NFIB: variants seen among roughly 807,000 people sequenced by gnomAD.
NFIB encodes the protein nuclear factor I B, also known as nuclear factor 1 B-type.
In NFIB, 11 loss-of-function variants were observed where a neutral mutation model predicts 61.5. That is an observed-to-expected ratio of 0.18 (90% CI 0.11 to 0.30). The LOEUF is 0.30. Ranked by LOEUF, NFIB falls within the 10% of genes least tolerant of loss-of-function variation. NFIB has a pLI of 1.00. For synonymous variants in NFIB, 260 were observed against 216.5 expected (o/e 1.20, Z -1.76); for missense variants, 471 against 608.9 (o/e 0.77, Z 2.38).
At chr9:14,319,287 T>C (rs191720900) in intron 1 of NFIB, among the ~76,000 whole-genome samples, 2 of 152,188 alleles carry the variant, frequency 1.3e-5, no homozygotes, top group East Asian at 3.9e-4. Context: ...TGAGCCAGAT[T>C]CCTCCACTAA....
chr9:14,107,557 T>A (rs1277122999), intron 10 of NFIB, among the ~76,000 whole-genome samples: 1 of 152,148 alleles, frequency 6.6e-6, no homozygotes, highest in African/African-American at 2.4e-5. Flanking sequence ...CTACAACTTG[T>A]AAATTTTAAG....
intron 10 of NFIB, among the ~76,000 whole-genome samples, chr9:14,101,193 T>C (rs1046233264): frequency 6.6e-6 from 1 of 152,210 alleles, no homozygotes; most frequent in Non-Finnish European, 1.5e-5. Flanking sequence ...TATAAGCATA[T>C]ATTGTATTAT....
chr9:14,210,015 C>T (rs1358179795), intron 2 of NFIB, among the ~76,000 whole-genome samples: 1 of 152,094 alleles, frequency 6.6e-6, no homozygotes, highest in African/African-American at 2.4e-5. Flanking sequence ...TTTTGTTTTA[C>T]ATACTTGAAT....
chr9:14,465,468 T>G, the NFIB span, among the ~76,000 whole-genome samples: 2 of 152,156 alleles, frequency 1.3e-5, no homozygotes, highest in Non-Finnish European at 2.9e-5. Flanking sequence ...GGCCTCTGCA[T>G]AGATATTAAC....
intron 2 of NFIB, among the ~76,000 whole-genome samples, chr9:14,185,989 C>A (rs1451993844): frequency 6.6e-6 from 1 of 152,146 alleles, no homozygotes; most frequent in Non-Finnish European, 1.5e-5. Flanking sequence ...TTTTAATGAC[C>A]TTTATAGATA....
intron 1 of NFIB, among the ~76,000 whole-genome samples, chr9:14,344,412 G>GC (rs1051423245): frequency 8.3e-6 from 1 of 119,834 alleles, no homozygotes; most frequent in African/African-American, 4.0e-5. Context: ...TGTCTCAGAA[G>GC]GGGGGGGTAG....
chr9:14,359,505 C>T (rs987319877), intron 1 of NFIB, among the ~76,000 whole-genome samples: 59 of 152,282 alleles, frequency 3.9e-4, no homozygotes, highest in African/African-American at 1.3e-3. Flanking sequence ...CAAAATCTCC[C>T]CCAGAGCTTC....
At chr9:14,210,733 A>G (rs2050220458) in intron 2 of NFIB, among the ~76,000 whole-genome samples, 1 of 152,164 alleles carries the variant, frequency 6.6e-6, no homozygotes, top group South Asian at 2.1e-4. Context: ...AGAAAACATC[A>G]TTCACTGTTT....
chr9:14,315,346 C>T (rs1016103112), upstream of NFIB, among the ~76,000 whole-genome samples: 2 of 150,796 alleles, frequency 1.3e-5, no homozygotes, highest in African/African-American at 4.9e-5. Flanking sequence ...GCGGGAGGAC[C>T]GGGCCGAGCC....
the NFIB span, among the ~76,000 whole-genome samples, chr9:14,439,808 G>A: frequency 6.6e-6 from 1 of 152,322 alleles, no homozygotes; most frequent in East Asian, 1.9e-4. Context: ...CAAGTAGAGA[G>A]GCAAAAACAC....
chr9:14,117,324 C>T (rs1426048078), intron 8 of NFIB, among the ~76,000 whole-genome samples: 1 of 152,072 alleles, frequency 6.6e-6, no homozygotes, highest in East Asian at 1.9e-4. Context: ...GAAACAAAAT[C>T]CTAAGGATAC....
the NFIB span, among the ~76,000 whole-genome samples, chr9:14,483,356 G>A: frequency 6.6e-6 from 1 of 152,202 alleles, no homozygotes; most frequent in Admixed American, 6.5e-5. Context: ...ACGGGATTCT[G>A]TGGAAAAGCA....
chr9:14,341,192 A>G (rs1270924556), intron 1 of NFIB, among the ~76,000 whole-genome samples: 1 of 152,146 alleles, frequency 6.6e-6, no homozygotes, highest in African/African-American at 2.4e-5. Context: ...ATTTGAGGGA[A>G]ACATCCCTAA....
intron 1 of NFIB, among the ~76,000 whole-genome samples, chr9:14,336,523 G>A (rs1422873024): frequency 5.3e-5 from 8 of 152,076 alleles, no homozygotes; most frequent in Admixed American, 5.2e-4. Context: ...GGCATTGCTG[G>A]GTGTTTTGTA....
chr9:14,360,614 G>C (rs1321444736), intron 1 of NFIB, among the ~76,000 whole-genome samples: 1 of 150,132 alleles, frequency 6.7e-6, no homozygotes, highest in Non-Finnish European at 1.5e-5. Context: ...GCGCGATCTC[G>C]GCTCACTGCA....
At chr9:14,090,554 A>G (rs1195781498) in intron 10 of NFIB, among the ~76,000 whole-genome samples, 2 of 152,128 alleles carry the variant, frequency 1.3e-5, no homozygotes, top group Non-Finnish European at 2.9e-5. Flanking sequence ...ACCTAGTCAC[A>G]TCTATCTTTA....
intron 2 of NFIB, among the ~76,000 whole-genome samples, chr9:14,273,233 A>G (rs899332110): frequency 2.0e-5 from 3 of 152,166 alleles, no homozygotes; most frequent in African/African-American, 7.2e-5. Flanking sequence ...AATCCCAAAA[A>G]GAAACTCAGC....
chr9:14,468,888 A>T, the NFIB span, among the ~76,000 whole-genome samples: 1 of 152,210 alleles, frequency 6.6e-6, no homozygotes, highest in Non-Finnish European at 1.5e-5. Flanking sequence ...GAAGACCACC[A>T]TTTGGAATAA....
At chr9:14,374,191 T>G (rs1289358341) in intron 1 of NFIB, among the ~76,000 whole-genome samples, 18 of 152,224 alleles carry the variant, frequency 1.2e-4, no homozygotes, top group Admixed American at 1.2e-3. Flanking sequence ...AAAATACGGT[T>G]CTTATTTTGT....
Sources: allele counts gnomAD v4.1 joint callset (sites outside exome capture counted in the v4.1 genomes callset), GRCh38; gene constraint gnomAD v4.1.1; transcripts MANE v1.5; gene names NCBI Gene and HGNC (gene_info 2026-07-23, HGNC 2026-07-21).